The following SPEF2 variants were observed in gnomAD, a reference collection of about 807,000 sequenced individuals.
The protein encoded by SPEF2 is sperm flagellar and cilia associated 2, also known as sperm flagella and cilia-associated protein 2.
A neutral mutation model predicts 224.6 loss-of-function variants in SPEF2; 187 were observed. That is an observed-to-expected ratio of 0.83 (90% CI 0.74 to 0.94). The LOEUF is 0.94. Ranked by LOEUF, SPEF2 falls within the 40% of genes least tolerant of loss-of-function variation. SPEF2 has a pLI of 0.00. For synonymous variants in SPEF2, 715 were observed against 707.3 expected (o/e 1.01, Z -0.17); for missense variants, 2,170 against 2,135.6 (o/e 1.02, Z -0.32).
rs752292537 is a variant in SPEF2, at chr5:35,691,190, G to C, written c.1678G>C (p.Val560Leu). The change falls in exon 11 of 37, where the codon GTT (valine) becomes CTT (leucine). Residue 560 changes from valine (V) to leucine (L), a missense_variant. Transcript: ENST00000356031. ...STTPELPSFA[V>L]KGCLLGKTLS... ...AACACCTGAATTACCTTCATTTGCT[G>C]TTAAAGGATGCTTATTGGGGAAAAC... 1 of 1,614,000 alleles carries C rather than the reference G, an allele frequency of 6.2e-7. No individual in the cohort carries two copies. The highest frequency in any genetic ancestry group is 2.2e-5 in the East Asian group (1 of 44,846).
intron 5 of SPEF2, 124 bp downstream of exon 5, chr5:35,646,931 C>T: frequency 9.7e-7 from 1 of 1,031,710 alleles, no homozygotes; most frequent in Admixed American, 2.9e-5. Context: ...CTGACCTTGT[C>T]CTTTCTCATT....
chr5:35,637,173 A>C (rs1366875268), intron 2 of SPEF2, among the ~76,000 whole-genome samples: 4 of 152,092 alleles, frequency 2.6e-5, no homozygotes. Context: ...CATGGAGCAA[A>C]CTAAAATGAC....
intron 13 of SPEF2, 32 bp from the exon 14 acceptor site, chr5:35,695,703 A>C (rs1167954953): frequency 6.3e-7 from 1 of 1,583,534 alleles, no homozygotes. Context: ...TAAATACCAG[A>C]AATTTGTTCT....
chr5:35,776,448 A>C lies in SPEF2; in HGVS notation c.4217+53A>C, dbSNP rs1753621081. 3 of 1,530,464 alleles carry C rather than the reference A, an allele frequency of 2.0e-6. No homozygotes were observed. The African/African-American group carries it at 4.2e-5, about 21-fold the overall frequency. The allele number at this position is 1,530,464 out of a possible 1,614,324, so 94.8% of individuals were successfully genotyped here. On this transcript the variant is annotated intron_variant, in intron 29 of 36. Transcript: ENST00000356031. Reference sequence around the variant, plus strand: ...TATGCTTTGTGTATTCTAAGTACCAAAATTGATGAAGATTTTTAAGGTATT... The same window carrying C: ...TATGCTTTGTGTATTCTAAGTACCACAATTGATGAAGATTTTTAAGGTATT...
In SPEF2 at chr5:35,763,643, G is replaced by C; in HGVS notation, c.3742G>C (p.Ala1248Pro). 6.2e-7 allele frequency: 1 copy of C among 1,613,846 alleles called. No individual in the cohort carries two copies. The highest frequency in any genetic ancestry group is 8.5e-7 in the Non-Finnish European group (1 of 1,179,902). Residue 1248 changes from alanine (A) to proline (P), a missense_variant, in exon 26 of 37, where the codon GCC (alanine) becomes CCC (proline). Coordinates refer to ENST00000356031, the MANE Select transcript of SPEF2 (RefSeq NM_024867.4). ...AGAAAACGTTGAGTCCAACTTTGAG[G>C]CCGATGAAAAGTTGGTCATGGACAC... ...SLENVESNFE[A>P]DEKLVMDTWQ...
intron 32 of SPEF2, 99 bp from the exon 33 acceptor site, chr5:35,795,604 C>T (rs1352791575): frequency 1.0e-6 from 1 of 967,894 alleles, no homozygotes; most frequent in Non-Finnish European, 1.5e-6. Context: ...TGGGAGACAA[C>T]TGCTCTAGAG....
At chr5:35,720,453 A>G (rs1743430880) in intron 20 of SPEF2, among the ~76,000 whole-genome samples, 1 of 152,170 alleles carries the variant, frequency 6.6e-6, no homozygotes, top group Non-Finnish European at 1.5e-5. Context: ...CAATCTCCAA[A>G]GTTATCAGAA....
chr5:35,751,308 A>C (rs1274370906), intron 23 of SPEF2, among the ~76,000 whole-genome samples: 1 of 142,286 alleles, frequency 7.0e-6, no homozygotes, highest in African/African-American at 2.6e-5. Flanking sequence ...GACTTTGGGG[A>C]CTTGGGGGGA....
intron 24 of SPEF2, among the ~76,000 whole-genome samples, chr5:35,759,005 CAA>C (rs57893412): frequency 1.9e-5 from 1 of 51,354 alleles, no homozygotes; most frequent in African/African-American, 8.8e-5. Flanking sequence ...GACTCTGTCT[CAA>C]AAAAAAAAAA....
Position 35,617,976 on chromosome 5 carries a change from G to A in SPEF2, c.-22G>A. The A allele has an allele frequency of 1.3e-6, 2 of 1,568,222 alleles. No homozygotes were observed. The highest frequency in any genetic ancestry group is 2.4e-5 in the East Asian group (1 of 42,246). On this transcript the variant is annotated 5_prime_UTR_variant, in exon 1 of 37. Coordinates refer to ENST00000356031, the MANE Select transcript of SPEF2 (RefSeq NM_024867.4). ...GGCGAGTTTCTAAGCCCCCGCCTGC[G>A]GTCTGAGGCACCGGCTGAACCATGT... is the stretch of plus-strand genomic sequence containing the variant.
chr5:35,688,576 T>G (rs577788320), intron 10 of SPEF2, among the ~76,000 whole-genome samples: 2 of 152,332 alleles, frequency 1.3e-5, no homozygotes, highest in South Asian at 4.1e-4. Flanking sequence ...TATTTAGCCT[T>G]CCTTGGATTC....
At chr5:35,626,688 A>G (rs1266711294) in intron 1 of SPEF2, among the ~76,000 whole-genome samples, 1 of 152,232 alleles carries the variant, frequency 6.6e-6, no homozygotes, top group Admixed American at 6.5e-5. Context: ...AGTGGGAACC[A>G]TTGACATCTT....
intron 2 of SPEF2, among the ~76,000 whole-genome samples, chr5:35,632,702 A>G (rs932812999): frequency 6.6e-6 from 1 of 152,098 alleles, no homozygotes; most frequent in African/African-American, 2.4e-5. Context: ...GATGGCTATA[A>G]ATTTCCCTCT....
chr5:35,647,624 C>T (rs1287444181), intron 5 of SPEF2, among the ~76,000 whole-genome samples: 1 of 152,148 alleles, frequency 6.6e-6, no homozygotes, highest in Non-Finnish European at 1.5e-5. Context: ...TCAAATTTCA[C>T]ATGCGGTTTT....
At chr5:35,690,364 C>T (rs867456270) in intron 10 of SPEF2, among the ~76,000 whole-genome samples, 1 of 152,114 alleles carries the variant, frequency 6.6e-6, no homozygotes, top group South Asian at 2.1e-4. Context: ...TTTGATCTGA[C>T]CCCATATTTT....
In SPEF2 at chr5:35,769,326, G is replaced by A. The variant is rs548284631; in HGVS notation, c.3802-2283G>A. Among the ~76,000 whole-genome samples the A allele has an allele frequency of 4.6e-5, 7 of 151,892 alleles. No homozygotes were observed. The East Asian group carries it at 1.4e-3, about 29-fold the overall frequency. On this transcript the variant is annotated intron_variant, in intron 26 of 36. Transcript: ENST00000356031. ...GCAAGTCGGCTTTCAGCTTTACTAA[G>A]AACTTGCAAGTACAGTATCTGGTAT...
At chr5:35,675,740 T>C in intron 10 of SPEF2, 1 of 303,852 alleles carries the variant, frequency 3.3e-6, no homozygotes, top group Non-Finnish European at 6.7e-6. Context: ...AGGATTCTTA[T>C]TTGTAGTAAT....
chr5:35,682,186 A>G (rs1362073918), intron 10 of SPEF2, among the ~76,000 whole-genome samples: 1 of 152,196 alleles, frequency 6.6e-6, no homozygotes, highest in African/African-American at 2.4e-5. Context: ...TGGTAGAGTT[A>G]CAGTACATTG....
chr5:35,762,129 A>G (rs1013580248), intron 25 of SPEF2, among the ~76,000 whole-genome samples: 4 of 152,218 alleles, frequency 2.6e-5, no homozygotes, highest in Non-Finnish European at 4.4e-5. Context: ...AATACTTATC[A>G]TAATAATTAT....
Sources: allele counts gnomAD v4.1 joint callset (sites outside exome capture counted in the v4.1 genomes callset), GRCh38; gene constraint gnomAD v4.1.1; transcripts MANE v1.5; gene names NCBI Gene and HGNC (gene_info 2026-07-23, HGNC 2026-07-21).